The following ANGPTL4 variants were observed in gnomAD, a reference collection of about 807,000 sequenced individuals.
ANGPTL4 encodes angiopoietin like 4, also known as angiopoietin-related protein 4.
A neutral mutation model predicts 39.2 loss-of-function variants in ANGPTL4; 39 were observed. That is an observed-to-expected ratio of 1.00 (90% CI 0.77 to 1.30). The LOEUF is 1.30. ANGPTL4 is among the 50% of genes most tolerant of loss of function. ANGPTL4 has a pLI of 0.00. For missense variants in ANGPTL4, 545 were observed against 549.8 expected, an observed-to-expected ratio of 0.99 and a Z score of 0.09; for synonymous variants, 233 against 229.5, an observed-to-expected ratio of 1.02 and a Z score of -0.14.
intron 6 of ANGPTL4, among the ~76,000 whole-genome samples, chr19:8,372,678 C>T (rs1330550614): frequency 6.6e-6 from 1 of 151,948 alleles, no homozygotes; most frequent in Non-Finnish European, 1.5e-5. Flanking sequence ...CCTGTGTTCC[C>T]ATCTACTTGG....
Position 8,371,602 on chromosome 19 carries a change from C to G in ANGPTL4, c.1039+80C>G. On this transcript the variant is annotated intron_variant, in intron 6 of 6. Coordinates refer to ENST00000301455, the MANE Select transcript of ANGPTL4 (RefSeq NM_139314.3). This position sits in a 1 kb window ranked among gnomAD's most constrained non-coding sequence, Gnocchi z 5.1. Reference sequence around the variant, plus strand: ...TGCTGCTCTGTCCTGCCTTCAACCCCACATTGCATCTGTTTCCTGCCCCCA... The same window carrying G: ...TGCTGCTCTGTCCTGCCTTCAACCCGACATTGCATCTGTTTCCTGCCCCCA... 2 of 1,579,420 alleles carry G rather than the reference C, an allele frequency of 1.3e-6. No individual in the cohort carries two copies. Among genetic ancestry groups the G allele is most frequent in the South Asian group, 2.3e-5 (2 of 88,712 alleles).
chr19:8,364,929 A>G (rs1318301937), intron 1 of ANGPTL4, among the ~76,000 whole-genome samples: 1 of 152,012 alleles, frequency 6.6e-6, no homozygotes, highest in African/African-American at 2.4e-5. Context: ...TTAAAAAACG[A>G]CCGGGCGCAG....
At position 8,364,460 on chromosome 19, in the gene ANGPTL4, G is replaced by A; in HGVS notation, c.139G>A (p.Gly47Arg). The change falls in exon 1 of 7, where the codon GGA (glycine) becomes AGA (arginine). Residue 47 changes from glycine to arginine, a missense_variant. Coordinates refer to ENST00000301455, the MANE Select transcript of ANGPTL4 (RefSeq NM_139314.3). The part of the protein sequence containing the change: ...SWDEMNVLAH[G>R]LLQLGQGLRE... ...GGACGAGATGAATGTCCTGGCGCAC[G>A]GACTCCTGCAGCTCGGCCAGGGGCT... The A allele has an allele frequency of 1.3e-6, 2 of 1,561,142 alleles. No homozygotes were observed. Among genetic ancestry groups the A allele is most frequent in the Non-Finnish European group, 1.7e-6 (2 of 1,154,596 alleles).
rs766384776 is a variant in ANGPTL4 at position 8,373,770 on chromosome 19, C to T, written c.1105C>T (p.Gln369Ter). ...LNGQYFRSIP[Q>*]QRQKLKKGIF... Reference sequence around the variant, plus strand: ...CGGCCAGTACTTCCGCTCCATCCCACAGCAGCGGCAGAAGCTTAAGAAGGG... The same window carrying T: ...CGGCCAGTACTTCCGCTCCATCCCATAGCAGCGGCAGAAGCTTAAGAAGGG... Residue 369 changes from glutamine (Q) to a stop codon, truncating the protein, a stop_gained, in exon 7 of 7, where the codon CAG (glutamine) becomes TAG (stop). Transcript: ENST00000301455. LOFTEE classifies it low-confidence loss of function (END_TRUNC). The T allele has an allele frequency of 1.5e-5, 24 of 1,614,084 alleles. No individual in the cohort carries two copies. The highest frequency in any genetic ancestry group is 1.9e-5 in the Non-Finnish European group (22 of 1,180,048).
rs368388293 is a variant in ANGPTL4, at chr19:8,368,413, C to T, written c.548-806C>T. The stretch of plus-strand genomic sequence containing the variant: ...CCTTGTCCCCAGCCTCATGGAGCCT[C>T]CATTGAGTCAGAGGAGAGACCATTA... On this transcript the variant is annotated intron_variant, in intron 3 of 6. Coordinates refer to ENST00000301455, the MANE Select transcript of ANGPTL4 (RefSeq NM_139314.3). 1.4e-4 allele frequency among the ~76,000 whole-genome samples: 22 copies of T among 152,306 alleles called. No individual in the cohort carries two copies. In the East Asian group the frequency reaches 3.7e-3, roughly 25 times the overall value.
Position 8,371,669 on chromosome 19 carries a change from T to G in ANGPTL4, c.1039+147T>G. On this transcript the variant is annotated intron_variant, in intron 6 of 6. Transcript: ENST00000301455. The surrounding 1 kb of genome is among the most constrained non-coding windows in gnomAD (Gnocchi z 5.1). ...CGTGTGTGTGATTGGGCCACTAACT[T>G]AGCCTATCTGGCCTCAGTTTTCCCA... is the stretch of plus-strand genomic sequence containing the variant. 2 of 1,191,614 alleles carry G rather than the reference T, an allele frequency of 1.7e-6. No homozygotes were observed. The highest frequency in any genetic ancestry group is 2.6e-5 in the East Asian group (1 of 38,938). 73.8% of individuals were successfully genotyped at this position (1,191,614 alleles called of 1,614,324 possible).
rs1971108094 is a variant in ANGPTL4, at chr19:8,371,139, G to A, written c.745G>A (p.Gly249Arg). Residue 249 changes from glycine (G) to arginine (R), a missense_variant, in exon 5 of 7, where the codon GGG (glycine) becomes AGG (arginine). Gly to Arg is a moderately radical substitution (Grantham distance 125, BLOSUM62 -2). Coordinates refer to ENST00000301455, the MANE Select transcript of ANGPTL4 (RefSeq NM_139314.3). This position sits in a 1 kb window ranked among gnomAD's most constrained non-coding sequence, Gnocchi z 5.1. ...CTGGGAAGCCTACAAGGCGGGGTTT[G>A]GGGATCCCCACGGTAGGTGTTTCTA... ...RPWEAYKAGF[G>R]DPHGEFWLGL... is the part of the protein sequence containing the mutation. 1 of 1,613,458 alleles carries A rather than the reference G, an allele frequency of 6.2e-7. No individual in the cohort carries two copies. Among genetic ancestry groups the A allele is most frequent in the Non-Finnish European group, 8.5e-7 (1 of 1,179,718 alleles).
At position 8,374,308 on chromosome 19, in the gene ANGPTL4, C is replaced by T. The variant is rs1971190879; in HGVS notation, c.*422C>T. On this transcript the variant is annotated 3_prime_UTR_variant, in exon 7 of 7. Transcript: ENST00000301455. ...TGTGTAGGTCCCCTGGGGACACAAG[C>T]AGGCGCCAATGGTATCTGGGCGGAG... 1 of 195,806 alleles carries T rather than the reference C, an allele frequency of 5.1e-6. No individual in the cohort carries two copies. The highest frequency in any genetic ancestry group is 1.3e-4 in the East Asian group (1 of 7,628). 12.1% of individuals were successfully genotyped at this position (195,806 alleles called of 1,614,324 possible). A position where few individuals can be genotyped will look rare whatever the true frequency, so the allele number is the denominator to read the frequency against.
chr19:8,367,721 C>T (rs1302417616), intron 3 of ANGPTL4, among the ~76,000 whole-genome samples: 1 of 152,232 alleles, frequency 6.6e-6, no homozygotes, highest in Non-Finnish European at 1.5e-5. Context: ...TCCTCTCCCT[C>T]TAGGAGCTGG....
rs769261817 is a variant in ANGPTL4, at chr19:8,371,443, C to T, written c.960C>T (p.Ser320=). The change falls in exon 6 of 7, where the codon AGC becomes AGT. Residue 320 remains serine (S), a synonymous_variant. Transcript: ENST00000301455. This position sits in a 1 kb window ranked among gnomAD's most constrained non-coding sequence, Gnocchi z 5.1. ...GQLGATTVPP[S]GLSVPFSTWD... ...TGGGCGCCACCACCGTCCCACCCAG[C>T]GGCCTCTCCGTACCCTTCTCCACTT... is the stretch of plus-strand genomic sequence containing the variant. The T allele has an allele frequency of 2.1e-5, 34 of 1,613,274 alleles. No individual in the cohort carries two copies. In the South Asian group the frequency reaches 2.6e-4, roughly 13 times the overall value.
Position 8,373,938 on chromosome 19 carries a change from C to A in ANGPTL4, c.*52C>A, listed in dbSNP as rs1568220472. ...CCACGAAAGACGGTGACTCTTGGCTCTGCCCGAGGATGTGGCCGTTCCCTG... is the reference window on the plus strand; with the variant it reads ...CCACGAAAGACGGTGACTCTTGGCTATGCCCGAGGATGTGGCCGTTCCCTG... On this transcript the variant is annotated 3_prime_UTR_variant, in exon 7 of 7. Transcript: ENST00000301455. 6.3e-7 allele frequency: 1 copy of A among 1,596,056 alleles called. No homozygotes were observed. The highest frequency in any genetic ancestry group is 1.1e-5 in the South Asian group (1 of 90,586).
rs768135470 is a variant in ANGPTL4 at position 8,371,231 on chromosome 19, C to G, written c.758-10C>G. On this transcript the variant is annotated splice_polypyrimidine_tract_variant and intron_variant, in intron 5 of 6. Transcript: ENST00000301455. This position sits in a 1 kb window ranked among gnomAD's most constrained non-coding sequence, Gnocchi z 5.1. ...GGCCCTGCCTCATGGAGTGGCCTCT[C>G]CCACTCCAGGCGAGTTCTGGCTGGG... 1 of 1,614,108 alleles carries G rather than the reference C, an allele frequency of 6.2e-7. No homozygotes were observed. Among genetic ancestry groups the G allele is most frequent in the South Asian group, 1.1e-5 (1 of 91,084 alleles).
chr19:8,366,891 C>G (rs2145473378), intron 3 of ANGPTL4, among the ~76,000 whole-genome samples: 1 of 151,918 alleles, frequency 6.6e-6, no homozygotes. Context: ...CCCGCCGGCC[C>G]CCTCCCCACC....
At chr19:8,369,094 A>T (rs1318307488) in intron 3 of ANGPTL4, 125 bp from the exon 4 acceptor site, 2 of 692,686 alleles carry the variant, frequency 2.9e-6, no homozygotes, top group African/African-American at 3.6e-5. Context: ...AGAGGTGGTC[A>T]TGAGATAAGA....
chr19:8,369,191 T>G, intron 3 of ANGPTL4, 28 bp from the exon 4 acceptor site: 1 of 1,591,502 alleles, frequency 6.3e-7, no homozygotes, highest in Non-Finnish European at 8.6e-7. Flanking sequence ...GCCCTCCTGT[T>G]TCAAGTCTCC....
Position 8,371,107 on chromosome 19 carries a change from A to T in ANGPTL4, c.713A>T (p.Asn238Ile), listed in dbSNP as rs1229469014. 6 of 1,611,356 alleles carry T rather than the reference A, an allele frequency of 3.7e-6. No homozygotes were observed. The highest frequency in any genetic ancestry group is 4.2e-6 in the Non-Finnish European group (5 of 1,178,788). Residue 238 changes from asparagine to isoleucine, a missense_variant, in exon 5 of 7, where the codon AAC becomes ATC. By Grantham distance (149) the Asn-to-Ile change is moderately radical. Transcript: ENST00000301455. The surrounding 1 kb of genome is among the most constrained non-coding windows in gnomAD (Gnocchi z 5.1). ...QRRHDGSVDF[N>I]RPWEAYKAGF... ...CGCCACGATGGCTCAGTGGACTTCAACCGGCCCTGGGAAGCCTACAAGGCG... is the reference window on the plus strand; with the variant it reads ...CGCCACGATGGCTCAGTGGACTTCATCCGGCCCTGGGAAGCCTACAAGGCG...
At chr19:8,365,494 TA>T (rs1970984718) in intron 1 of ANGPTL4, among the ~76,000 whole-genome samples, 1 of 146,336 alleles carries the variant, frequency 6.8e-6, no homozygotes, top group Non-Finnish European at 1.5e-5. Flanking sequence ...ATAATAATAA[TA>T]AATAAAATAA....
Position 8,364,367 on chromosome 19 carries a change from G to C in ANGPTL4, c.46G>C (p.Ala16Pro). ...CGGGGCAGCCCTGATGCTCTGCGCC[G>C]CCACCGCCGTGCTACTGAGCGCTCA... The part of the protein sequence containing the change: ...TAGAALMLCA[A>P]TAVLLSAQGG... The change falls in exon 1 of 7, where the codon GCC becomes CCC. Residue 16 changes from alanine (A) to proline (P), a missense_variant. Ala to Pro is a conservative substitution (Grantham distance 27). Coordinates refer to ENST00000301455, the MANE Select transcript of ANGPTL4 (RefSeq NM_139314.3). 1 of 1,548,128 alleles carries C rather than the reference G, an allele frequency of 6.5e-7. No homozygotes were observed. The highest frequency in any genetic ancestry group is 8.7e-7 in the Non-Finnish European group (1 of 1,150,764).
At position 8,371,211 on chromosome 19, in the gene ANGPTL4, T is replaced by G. The variant is rs1971110099; in HGVS notation, c.758-30T>G. 6.2e-7 allele frequency: 1 copy of G among 1,614,146 alleles called. No individual in the cohort carries two copies. Among genetic ancestry groups the G allele is most frequent in the Admixed American group, 1.7e-5 (1 of 60,022 alleles). On this transcript the variant is annotated intron_variant, in intron 5 of 6. Coordinates refer to ENST00000301455, the MANE Select transcript of ANGPTL4 (RefSeq NM_139314.3). The surrounding 1 kb of genome is among the most constrained non-coding windows in gnomAD (Gnocchi z 5.1). ...GAAGAGGGACCCTCAGAAGTGGCCCTGCCTCATGGAGTGGCCTCTCCCACT... is the reference window on the plus strand; with the variant it reads ...GAAGAGGGACCCTCAGAAGTGGCCCGGCCTCATGGAGTGGCCTCTCCCACT...
Sources: allele counts gnomAD v4.1 joint callset (sites outside exome capture counted in the v4.1 genomes callset), GRCh38; gene constraint gnomAD v4.1.1; non-coding constraint Gnocchi (gnomAD v3.1); transcripts MANE v1.5; gene names NCBI Gene and HGNC (gene_info 2026-07-23, HGNC 2026-07-21).